Variants in CDHR3 observed in about 807,000 individuals in gnomAD.
The protein encoded by CDHR3 is cadherin-related family member 3.
In CDHR3, 79 loss-of-function variants were observed where a neutral mutation model predicts 86.6. That is an observed-to-expected ratio of 0.91 (90% CI 0.76 to 1.10). The LOEUF (loss-of-function observed/expected upper bound fraction) is 1.10, where lower values mean the gene tolerates loss of function less well. CDHR3 is among the 50% of genes least tolerant of loss of function. CDHR3 has a pLI of 0.00. For synonymous variants in CDHR3, 421 were observed against 402.4 expected (o/e 1.05, Z -0.55); for missense variants, 1,081 against 1,077.6 (o/e 1.00, Z -0.04).
intron 8 of CDHR3, 144 bp downstream of exon 8, chr7:106,004,831 T>C: frequency 1.3e-6 from 1 of 748,552 alleles, no homozygotes; most frequent in Non-Finnish European, 2.2e-6. Flanking sequence ...CTGTTCACTG[T>C]TGTCCACAGG....
At chr7:106,019,956 C>T (rs917291099) in intron 12 of CDHR3, among the ~76,000 whole-genome samples, 1 of 152,078 alleles carries the variant, frequency 6.6e-6, no homozygotes, top group African/African-American at 2.4e-5. Context: ...CAAGGTGGCA[C>T]ATGGAGACAC....
chr7:106,023,719 G>C (rs1310488100), intron 14 of CDHR3, among the ~76,000 whole-genome samples: 9 of 152,160 alleles, frequency 5.9e-5, no homozygotes, highest in Non-Finnish European at 1.3e-4. Flanking sequence ...TCCCATGCTC[G>C]AGTCAATATG....
intron 14 of CDHR3, among the ~76,000 whole-genome samples, chr7:106,023,548 TC>T (rs1478472071): frequency 1.3e-4 from 20 of 151,568 alleles, no homozygotes; most frequent in Admixed American, 1.3e-3. Context: ...CTCCTCCTCT[TC>T]CTCCTCCTCC....
intron 1 of CDHR3, among the ~76,000 whole-genome samples, chr7:105,968,714 G>A (rs560390685): frequency 2.0e-5 from 3 of 152,252 alleles, no homozygotes; most frequent in African/African-American, 7.2e-5. Context: ...GTTTCCATAG[G>A]CCTGATATTA....
intron 8 of CDHR3, among the ~76,000 whole-genome samples, chr7:106,006,823 T>A (rs561697355): frequency 8.5e-5 from 13 of 152,304 alleles, no homozygotes; most frequent in Non-Finnish European, 1.3e-4. Flanking sequence ...GTGGCCCTCT[T>A]CTCACAGCTC....
Position 106,016,025 on chromosome 7 carries a change from G to T in CDHR3, c.1426G>T (p.Ala476Ser), listed in dbSNP as rs143495908. 1.3e-6 allele frequency: 2 copies of T among 1,596,176 alleles called. No individual in the cohort carries two copies. The highest frequency in any genetic ancestry group is 2.7e-5 in the African/African-American group (2 of 74,576). Reference protein sequence around the residue: ...YVFDVSERRPARTRVGQVRAT... With the variant: ...YVFDVSERRPSRTRVGQVRAT... Reference sequence around the variant, plus strand: ...ATTTGATGTGTCAGAAAGAAGGCCCGGTAAGTAACAGATAAGACACAGACC... The same window carrying T: ...ATTTGATGTGTCAGAAAGAAGGCCCTGTAAGTAACAGATAAGACACAGACC... The change falls in exon 11 of 19, where the codon GCC becomes TCC. Residue 476 changes from alanine (A) to serine (S), a missense_variant and splice_region_variant. By Grantham distance (99) the Ala-to-Ser change is moderately conservative. Transcript: ENST00000317716.
intron 6 of CDHR3, 54 bp downstream of exon 6, chr7:105,996,408 C>A: frequency 1.0e-6 from 1 of 992,760 alleles, no homozygotes. Context: ...CCTTCTTAGG[C>A]GGCCTCGTCT....
chr7:106,012,209 T>C (rs1834911670), intron 8 of CDHR3, among the ~76,000 whole-genome samples: 1 of 152,006 alleles, frequency 6.6e-6, no homozygotes, highest in African/African-American at 2.4e-5. Flanking sequence ...AAATAGAAAA[T>C]AAGCAGAATA....
intron 1 of CDHR3, among the ~76,000 whole-genome samples, chr7:105,970,524 T>C (rs1827779883): frequency 2.0e-5 from 3 of 152,226 alleles, no homozygotes; most frequent in Admixed American, 2.0e-4. Flanking sequence ...AGCCTCCTTC[T>C]TGCTCTCTAG....
chr7:105,996,093 C>A (rs1438975829), intron 5 of CDHR3, among the ~76,000 whole-genome samples, 157 bp from the exon 6 acceptor site: 3 of 152,262 alleles, frequency 2.0e-5, no homozygotes, highest in Non-Finnish European at 4.4e-5. Context: ...AGAAAGGTCA[C>A]CCTGCAGGCC....
intron 17 of CDHR3, 31 bp downstream of exon 17, chr7:106,028,613 T>C: frequency 8.1e-6 from 13 of 1,613,182 alleles, no homozygotes; most frequent in Non-Finnish European, 1.1e-5. Context: ...GCACCAGGCA[T>C]AGACGCTGGG....
rs1043950948 is a variant in CDHR3 at position 106,034,676 on chromosome 7, G to C, written c.*1979G>C. On this transcript the variant is annotated 3_prime_UTR_variant, in exon 19 of 19. Coordinates refer to ENST00000317716, the MANE Select transcript of CDHR3 (RefSeq NM_152750.5). ...CATTTAAGGCATTGCAAATCTGTGG[G>C]GCCCGGAGTCAAATGCTTTCCTTGG... Among the ~76,000 whole-genome samples, 1 of 152,208 alleles carries C rather than the reference G, an allele frequency of 6.6e-6. No individual in the cohort carries two copies. Among genetic ancestry groups the C allele is most frequent in the Non-Finnish European group, 1.5e-5 (1 of 68,036 alleles).
chr7:106,026,699 T>C lies in CDHR3; in HGVS notation c.2272+4T>C. 2 of 1,613,782 alleles carry C rather than the reference T, an allele frequency of 1.2e-6. No homozygotes were observed. The highest frequency in any genetic ancestry group is 1.1e-5 in the South Asian group (1 of 91,086). ...CCCCATAGGACAAAGAAAGGAGGTA[T>C]GTACAGTACCTGTTTCCCTTGTCTG... is the stretch of plus-strand genomic sequence containing the variant. On this transcript the variant is annotated splice_donor_region_variant and intron_variant, in intron 16 of 18. Coordinates refer to ENST00000317716, the MANE Select transcript of CDHR3 (RefSeq NM_152750.5).
chr7:106,024,683 A>G (rs1837093383), intron 15 of CDHR3, 121 bp downstream of exon 15: 3 of 970,026 alleles, frequency 3.1e-6, no homozygotes, highest in Admixed American at 2.7e-5. Flanking sequence ...GCCTGGAGTG[A>G]AGGCAGGAAA....
chr7:105,985,905 C>T (rs6946772), intron 4 of CDHR3, among the ~76,000 whole-genome samples: 22,385 of 152,162 alleles, frequency 0.15, 1,720 homozygotes, highest in African/African-American at 0.2. Flanking sequence ...AGTCTAGAGG[C>T]AGGCAGGCAG....
chr7:105,973,347 G>A (rs1200749161), intron 1 of CDHR3, among the ~76,000 whole-genome samples: 1 of 152,204 alleles, frequency 6.6e-6, no homozygotes, highest in Non-Finnish European at 1.5e-5. Flanking sequence ...TAGGGCTGCT[G>A]TAACAAACTA....
chr7:105,996,061 C>T (rs564823452), intron 5 of CDHR3, among the ~76,000 whole-genome samples, 189 bp from the exon 6 acceptor site: 1 of 152,222 alleles, frequency 6.6e-6, no homozygotes, highest in Admixed American at 6.5e-5. Flanking sequence ...GAGAAGCAGC[C>T]AGCGGGTTTG....
chr7:106,018,739 T>C (rs914034064), intron 12 of CDHR3, among the ~76,000 whole-genome samples: 12 of 152,158 alleles, frequency 7.9e-5, no homozygotes, highest in African/African-American at 2.9e-4. Context: ...TTTGGAGTTA[T>C]GCATTTCCTC....
At chr7:106,031,328 C>T (rs1238443235) in intron 18 of CDHR3, among the ~76,000 whole-genome samples, 1 of 152,186 alleles carries the variant, frequency 6.6e-6, no homozygotes, top group Non-Finnish European at 1.5e-5. Context: ...TCCTCTTGGT[C>T]GGCAAGATGA....
Sources: gnomAD v4.1 joint callset for allele counts (sites outside exome capture counted in the v4.1 genomes callset) on GRCh38, gnomAD v4.1.1 for gene constraint, MANE v1.5 for transcripts, NCBI Gene and HGNC (gene_info 2026-07-23, HGNC 2026-07-21) for gene names.